SLC23A2: variants seen among roughly 807,000 people sequenced by gnomAD.
The protein encoded by SLC23A2 is Na(+)/L-ascorbic acid transporter 2.
SLC23A2 carries 36 observed loss-of-function variants against 73.3 expected under a neutral mutation model. The ratio of observed to expected loss-of-function variants is 0.49; its 90% CI spans 0.38 to 0.65. The LOEUF (loss-of-function observed/expected upper bound fraction) is 0.65, where lower values mean the gene tolerates loss of function less well. Among genes scored for constraint, SLC23A2 ranks in the 30% least tolerant of loss-of-function variants. The pLI is 0.00. For synonymous variants in SLC23A2, 343 were observed against 327.3 expected (o/e 1.05, Z -0.52); for missense variants, 507 against 841.6 (o/e 0.60, Z 4.92).
intron 3 of SLC23A2, among the ~76,000 whole-genome samples, chr20:4,918,891 A>G (rs941547663): frequency 3.9e-5 from 6 of 152,206 alleles, no homozygotes; most frequent in African/African-American, 1.4e-4. Flanking sequence ...TTTAAAAGAA[A>G]GGTAACACAC....
intron 1 of SLC23A2, among the ~76,000 whole-genome samples, chr20:4,981,788 A>AC (rs1460124512): frequency 6.7e-6 from 1 of 148,672 alleles, no homozygotes; most frequent in Non-Finnish European, 1.5e-5. Context: ...CACAACCTCC[A>AC]CCCCCCAGGT....
chr20:4,938,334 C>CTT (rs752802054), intron 2 of SLC23A2, among the ~76,000 whole-genome samples: 48 of 124,888 alleles, frequency 3.8e-4, no homozygotes, highest in Admixed American at 4.9e-4. Flanking sequence ...CTCATTCCAT[C>CTT]TTTTTTTTTT....
At chr20:4,880,376 T>C (rs1197946433) in intron 9 of SLC23A2, among the ~76,000 whole-genome samples, 2 of 152,108 alleles carry the variant, frequency 1.3e-5, no homozygotes, top group Non-Finnish European at 2.9e-5. Context: ...CCTTCCTTTA[T>C]TAGTTCACAA....
chr20:4,860,706 A>G (rs1444230866), intron 15 of SLC23A2, among the ~76,000 whole-genome samples: 4 of 152,238 alleles, frequency 2.6e-5, no homozygotes, highest in Non-Finnish European at 5.9e-5. Context: ...TCGATAAACA[A>G]TTTATGGTAT....
Position 4,912,974 on chromosome 20 carries a change from A to T in SLC23A2, c.113T>A (p.Val38Glu). Residue 38 changes from valine to glutamate, a missense_variant, in exon 4 of 17, where the codon GTG (valine) becomes GAG (glutamate). Physicochemically the swap from Val to Glu is moderately radical, Grantham distance 121. Transcript: ENST00000338244. ...GCTGGAGGTGGCGCCTCCATTTATC[A>T]CCACCTGCAGAGACAATCCACTTAG... ...KHPAFFTLPV[V>E]INGGATSSGE... The T allele has an allele frequency of 6.2e-7, 1 of 1,605,340 alleles. No homozygotes were observed. The highest frequency in any genetic ancestry group is 8.5e-7 in the Non-Finnish European group (1 of 1,172,872).
upstream of SLC23A2, among the ~76,000 whole-genome samples, chr20:5,003,362 C>CGT (rs1170165997): frequency 3.4e-3 from 524 of 152,114 alleles, 1 homozygote; most frequent in Middle Eastern, 0.01. Flanking sequence ...CCAGCCTGGG[C>CGT]GACAGAGCAA....
At chr20:4,897,682 T>C (rs1931595584) in intron 6 of SLC23A2, among the ~76,000 whole-genome samples, 2 of 152,318 alleles carry the variant, frequency 1.3e-5, no homozygotes, top group East Asian at 1.9e-4. Flanking sequence ...TGATGCCCTC[T>C]GTGACCAAAA....
intron 1 of SLC23A2, among the ~76,000 whole-genome samples, chr20:4,971,880 T>TA (rs1390193858): frequency 2.0e-5 from 3 of 151,900 alleles, no homozygotes; most frequent in Non-Finnish European, 4.4e-5. Context: ...GTCTTTGATT[T>TA]AAAAAAAATA....
chr20:4,943,749 T>C (rs1343592237), intron 2 of SLC23A2, among the ~76,000 whole-genome samples: 4 of 151,832 alleles, frequency 2.6e-5, no homozygotes, highest in African/African-American at 9.7e-5. Flanking sequence ...GTTTTATTTA[T>C]AACAGCCCCA....
At chr20:4,980,485 A>C (rs1468937197) in intron 1 of SLC23A2, among the ~76,000 whole-genome samples, 2 of 152,174 alleles carry the variant, frequency 1.3e-5, no homozygotes, top group Non-Finnish European at 2.9e-5. Context: ...CTACTTTGAA[A>C]AAAATAGTTA....
At chr20:4,869,338 A>AG (rs1326371434) in intron 12 of SLC23A2, among the ~76,000 whole-genome samples, 2 of 151,674 alleles carry the variant, frequency 1.3e-5, no homozygotes, top group Non-Finnish European at 2.9e-5. Context: ...ACAAACAAAA[A>AG]AAAAACAAAA....
intron 4 of SLC23A2, among the ~76,000 whole-genome samples, chr20:4,912,011 T>C (rs1273140615): frequency 1.2e-4 from 5 of 41,300 alleles, no homozygotes; most frequent in African/African-American, 4.4e-4. Context: ...TAATTATTTC[T>C]TTTTTTTTTT....
intron 4 of SLC23A2, among the ~76,000 whole-genome samples, chr20:4,905,705 T>C (rs1319867987): frequency 6.6e-6 from 1 of 152,224 alleles, no homozygotes; most frequent in East Asian, 1.9e-4. Context: ...TTGTAGTCTC[T>C]TTCTCTAGGA....
In SLC23A2 at chr20:4,937,388, G is replaced by T. The variant is rs1290763205; in HGVS notation, c.-154-4672C>A. Among the ~76,000 whole-genome samples, 3 of 152,256 alleles carry T rather than the reference G, an allele frequency of 2.0e-5. No individual in the cohort carries two copies. In the East Asian group the frequency reaches 5.8e-4, roughly 29 times the overall value. ...AGAAAGAGAATGAGCAAATCCACTC[G>T]CTGTCTTGGCCTTAATACATGACAG... On this transcript the variant is annotated intron_variant, in intron 2 of 16. Coordinates refer to ENST00000338244, the MANE Select transcript of SLC23A2 (RefSeq NM_005116.6).
chr20:4,925,897 C>A (rs1447652502), intron 3 of SLC23A2, among the ~76,000 whole-genome samples: 1 of 152,198 alleles, frequency 6.6e-6, no homozygotes, highest in Admixed American at 6.5e-5. Flanking sequence ...CACGACTGGG[C>A]AAGGGTCTCA....
intron 1 of SLC23A2, among the ~76,000 whole-genome samples, chr20:4,984,176 G>A (rs1009642261): frequency 1.3e-5 from 2 of 152,206 alleles, no homozygotes; most frequent in African/African-American, 2.4e-5. Context: ...CCTGAGGCAG[G>A]AGTATCTCTT....
At chr20:4,894,094 G>A (rs752808429) in intron 6 of SLC23A2, among the ~76,000 whole-genome samples, 5 of 152,136 alleles carry the variant, frequency 3.3e-5, no homozygotes, top group Non-Finnish European at 5.9e-5. Context: ...ACTAATTCCC[G>A]GAACAAGGGT....
At position 4,876,639 on chromosome 20, in the gene SLC23A2, C is replaced by T. The variant is rs190716727; in HGVS notation, c.825-1943G>A. On this transcript the variant is annotated intron_variant, in intron 9 of 16. Transcript: ENST00000338244. ...GCTTCCCACCTCATGTTTACCTTTG[C>T]TAACTTTTACTTTAAAATGTTACGC... is the stretch of plus-strand genomic sequence containing the variant. Among the ~76,000 whole-genome samples the T allele has an allele frequency of 7.1e-4, 108 of 152,266 alleles. 1 individual carries two copies. The highest frequency in any genetic ancestry group is 2.5e-3 in the African/African-American group (104 of 41,544).
At chr20:4,955,071 ACTCT>A (rs1284713746) in intron 2 of SLC23A2, among the ~76,000 whole-genome samples, 3 of 151,836 alleles carry the variant, frequency 2.0e-5, no homozygotes, top group African/African-American at 7.3e-5. Context: ...AACAAGACCT[ACTCT>A]CTATTTAAAA....
Sources: gnomAD v4.1 joint callset for allele counts (sites outside exome capture counted in the v4.1 genomes callset) on GRCh38, gnomAD v4.1.1 for gene constraint, MANE v1.5 for transcripts, NCBI Gene and HGNC (gene_info 2026-07-23, HGNC 2026-07-21) for gene names.